KDM3A: variants seen among roughly 807,000 people sequenced by gnomAD.
The protein encoded by KDM3A is lysine-specific demethylase 3A.
In KDM3A, 60 loss-of-function variants were observed where a neutral mutation model predicts 158.0. The observed-to-expected ratio is 0.38, with a 90% CI of 0.31 to 0.47. The LOEUF (loss-of-function observed/expected upper bound fraction) is 0.47, where lower values mean the gene tolerates loss of function less well. Among genes scored for constraint, KDM3A ranks in the 20% least tolerant of loss-of-function variants. The probability of loss-of-function intolerance (pLI) is 0.99; values close to 1 mark genes in which losing one functional copy is unlikely to be tolerated. For missense variants in KDM3A, 1,319 were observed against 1,574.3 expected (o/e 0.84, Z 2.74); for synonymous variants, 608 against 549.3 (o/e 1.11, Z -1.49).
At chr2:86,484,709 TG>T in intron 19 of KDM3A, 1 of 451,240 alleles carries the variant, frequency 2.2e-6, no homozygotes, top group South Asian at 3.4e-5. Flanking sequence ...TGCACCTTGC[TG>T]CCTCCTGGGT....
upstream of KDM3A, among the ~76,000 whole-genome samples, chr2:86,439,166 A>T (rs563334344): frequency 5.9e-5 from 9 of 152,170 alleles, no homozygotes; most frequent in African/African-American, 2.2e-4. Context: ...TGTAATTTAA[A>T]AATACTCTTA....
In KDM3A at chr2:86,491,191, A is replaced by G. The variant is rs780140158; in HGVS notation, c.3801A>G (p.Pro1267=). ...AAGTGGCTGAAGATTTTGTTTCTCCAGAGCATGTTAAACACTGCTTCTGGC... is the reference window on the plus strand; with the variant it reads ...AAGTGGCTGAAGATTTTGTTTCTCCGGAGCATGTTAAACACTGCTTCTGGC... ...CIKVAEDFVS[P]EHVKHCFWLT... The change falls in exon 25 of 26, where the codon CCA becomes CCG. Residue 1267 remains proline (P), a synonymous_variant. Coordinates refer to ENST00000312912, the MANE Select transcript of KDM3A (RefSeq NM_018433.6). The G allele has an allele frequency of 3.1e-6, 5 of 1,613,954 alleles. No individual in the cohort carries two copies. The highest frequency in any genetic ancestry group is 4.5e-5 in the East Asian group (2 of 44,876).
intron 8 of KDM3A, 40 bp from the exon 9 acceptor site, chr2:86,464,013 G>A (rs111703721): frequency 2.1e-6 from 3 of 1,423,218 alleles, no homozygotes; most frequent in African/African-American, 1.5e-5. Flanking sequence ...TTCCTAACTA[G>A]GGACTTCCTT....
At position 86,489,352 on chromosome 2, in the gene KDM3A, A is replaced by G; in HGVS notation, c.3348A>G (p.Thr1116=). Residue 1116 remains threonine, a synonymous_variant, in exon 22 of 26, where the codon ACA becomes ACG. Coordinates refer to ENST00000312912, the MANE Select transcript of KDM3A (RefSeq NM_018433.6). ...LITPEDRKYG[T]TNLHLDVSDA... ...CTCCTGAAGATCGGAAATATGGAAC[A>G]ACAAATCTTCACTTAGATGTATCTG... 4 of 1,613,984 alleles carry G rather than the reference A, an allele frequency of 2.5e-6. No individual in the cohort carries two copies. The highest frequency in any genetic ancestry group is 3.4e-6 in the Non-Finnish European group (4 of 1,179,924).
intron 2 of KDM3A, among the ~76,000 whole-genome samples, chr2:86,446,099 T>C (rs1039920596): frequency 3.3e-5 from 5 of 152,212 alleles, no homozygotes; most frequent in African/African-American, 1.2e-4. Context: ...TATTAATTCA[T>C]ATATCAGAAA....
intron 10 of KDM3A, among the ~76,000 whole-genome samples, chr2:86,469,217 G>C (rs1297042607): frequency 6.6e-6 from 1 of 152,102 alleles, no homozygotes; most frequent in African/African-American, 2.4e-5. Context: ...TATTGAAGAT[G>C]TTTACTTTAT....
intron 8 of KDM3A, among the ~76,000 whole-genome samples, chr2:86,463,265 T>C (rs1672997685): frequency 6.6e-6 from 1 of 152,202 alleles, no homozygotes; most frequent in Admixed American, 6.5e-5. Context: ...CTTAAAAATT[T>C]AAGCACATGT....
chr2:86,447,114 CATATATGGTTT>C (rs1206042434), intron 2 of KDM3A, among the ~76,000 whole-genome samples: 1 of 152,142 alleles, frequency 6.6e-6, no homozygotes, highest in African/African-American at 2.4e-5. Flanking sequence ...GCCTGACTGA[CATATATGGTTT>C]TGATAGGAAA....
At chr2:86,490,446 T>A (rs1396316858) in intron 23 of KDM3A, 1 of 154,618 alleles carries the variant, frequency 6.5e-6, no homozygotes, top group African/African-American at 2.4e-5. Flanking sequence ...ATTGTCACTC[T>A]GAGTCTCTGC....
intron 2 of KDM3A, among the ~76,000 whole-genome samples, chr2:86,448,584 A>G (rs937309323): frequency 1.3e-5 from 2 of 152,200 alleles, no homozygotes; most frequent in East Asian, 1.9e-4. Context: ...CTCTCTTGGG[A>G]GAGAGAGGCA....
At position 86,451,099 on chromosome 2, in the gene KDM3A, T is replaced by G; in HGVS notation, c.343-4T>G. The G allele has an allele frequency of 6.3e-7, 1 of 1,588,178 alleles. No individual in the cohort carries two copies. Among genetic ancestry groups the G allele is most frequent in the Non-Finnish European group, 8.6e-7 (1 of 1,169,426 alleles). On this transcript the variant is annotated splice_polypyrimidine_tract_variant and splice_region_variant and intron_variant, in intron 3 of 25. Transcript: ENST00000312912. ...TGATGCTAAAGTGTTTTCTTTTGTT[T>G]TAGACGTACAAACCTCTGTTGGACA...
chr2:86,456,963 C>G lies in KDM3A; in HGVS notation c.755-20C>G, dbSNP rs116346051. ...AAGAGAAACAGGGAAGCCAACTTAA[C>G]CTATTTTTAAATATTTTAGGTAATT... On this transcript the variant is annotated intron_variant, in intron 7 of 25. Transcript: ENST00000312912. The G allele has an allele frequency of 0.015, 23,315 of 1,584,390 alleles. 206 individuals are homozygous for G. The highest frequency in any genetic ancestry group is 0.017 in the Non-Finnish European group (19,779 of 1,157,772).
chr2:86,477,971 G>A lies in KDM3A; in HGVS notation c.2034G>A (p.Arg678=), dbSNP rs1365260060. Residue 678 remains arginine, a synonymous_variant, in exon 13 of 26, where the codon CGG becomes CGA. Coordinates refer to ENST00000312912, the MANE Select transcript of KDM3A (RefSeq NM_018433.6). ...TIFNLHWVCP[R]CGFGVCVDCY... Reference sequence around the variant, plus strand: ...TCAACCTGCACTGGGTGTGTCCTCGGTGTGGGTTTGGAGTATGTGTGGACT... The same window carrying A: ...TCAACCTGCACTGGGTGTGTCCTCGATGTGGGTTTGGAGTATGTGTGGACT... 2.5e-6 allele frequency: 4 copies of A among 1,614,090 alleles called. No homozygotes were observed. The highest frequency in any genetic ancestry group is 2.7e-5 in the African/African-American group (2 of 74,942).
At chr2:86,464,397 T>C (rs1306374140) in intron 9 of KDM3A, among the ~76,000 whole-genome samples, 181 bp downstream of exon 9, 2 of 152,044 alleles carry the variant, frequency 1.3e-5, no homozygotes, top group East Asian at 1.9e-4. Flanking sequence ...TAGAAAATGG[T>C]ATAGAAGTGA....
intron 8 of KDM3A, among the ~76,000 whole-genome samples, chr2:86,462,280 G>A (rs1672962398): frequency 6.6e-6 from 1 of 151,830 alleles, no homozygotes. Flanking sequence ...AATTTCTTAA[G>A]TATGTTGCTC....
intron 11 of KDM3A, among the ~76,000 whole-genome samples, chr2:86,473,900 A>G (rs1290455173): frequency 6.6e-6 from 1 of 152,194 alleles, no homozygotes; most frequent in Non-Finnish European, 1.5e-5. Context: ...GCCCATTTTA[A>G]TGCTTCCCTC....
chr2:86,466,457 A>C lies in KDM3A; in HGVS notation c.1093A>C (p.Lys365Gln). ...TCTGAGAACAAAACCAGATGTCTGC[A>C]AAGCAGGGTTGCTCTCAAAGTCCTC... ...EALRTKPDVCKAGLLSKSSQI... is the reference protein window; with the variant it reads ...EALRTKPDVCQAGLLSKSSQI... Residue 365 changes from lysine to glutamine, a missense_variant, in exon 10 of 26, where the codon AAA becomes CAA. Physicochemically the swap from Lys to Gln is moderately conservative, Grantham distance 53 (BLOSUM62 1). This residue lies in a region of KDM3A where 652 missense variants were observed against 627.2 expected (regional missense o/e 1.04). Coordinates refer to ENST00000312912, the MANE Select transcript of KDM3A (RefSeq NM_018433.6). The C allele has an allele frequency of 6.2e-7, 1 of 1,613,908 alleles. No homozygotes were observed. The highest frequency in any genetic ancestry group is 1.1e-5 in the South Asian group (1 of 91,088).
Position 86,482,592 on chromosome 2 carries a change from C to T in KDM3A, c.2820C>T (p.Asp940=), listed in dbSNP as rs748298300. 1 of 1,613,860 alleles carries T rather than the reference C, an allele frequency of 6.2e-7. No individual in the cohort carries two copies. Among genetic ancestry groups the T allele is most frequent in the South Asian group, 1.1e-5 (1 of 91,078 alleles). ...LTIKPSILGF[D]TPHYWLCDNR... Reference sequence around the variant, plus strand: ...TCAAGCCCAGCATTCTGGGCTTTGACACTCCTCACTATTGGCTTTGTGATA... The same window carrying T: ...TCAAGCCCAGCATTCTGGGCTTTGATACTCCTCACTATTGGCTTTGTGATA... The change falls in exon 18 of 26, where the codon GAC becomes GAT. Residue 940 remains aspartate (D), a synonymous_variant. Coordinates refer to ENST00000312912, the MANE Select transcript of KDM3A (RefSeq NM_018433.6).
At chr2:86,472,874 C>G (rs1316491196) in intron 11 of KDM3A, among the ~76,000 whole-genome samples, 1 of 152,162 alleles carries the variant, frequency 6.6e-6, no homozygotes, top group African/African-American at 2.4e-5. Context: ...CTGTTCACCT[C>G]TAGTTTTCTT....
Sources: allele counts gnomAD v4.1 joint callset (sites outside exome capture counted in the v4.1 genomes callset), GRCh38; gene constraint gnomAD v4.1.1; regional missense constraint gnomAD v4.1.1; transcripts MANE v1.5; gene names NCBI Gene and HGNC (gene_info 2026-07-23, HGNC 2026-07-21).